Variants in MED25 observed in about 807,000 individuals in gnomAD.
MED25 encodes the protein mediator complex subunit 25.
MED25 carries 62 observed loss-of-function variants against 89.4 expected under a neutral mutation model. The observed-to-expected ratio is 0.69, with a 90% CI of 0.57 to 0.86. The LOEUF is 0.86. Ranked by LOEUF, MED25 falls within the 40% of genes least tolerant of loss-of-function variation. The pLI is 0.00. For synonymous variants in MED25, 449 were observed against 427.9 expected (o/e 1.05, Z -0.61); for missense variants, 905 against 1,005.2 (o/e 0.90, Z 1.35).
chr19:49,835,992 G>A lies in MED25; in HGVS notation c.1965+47G>A. 1 of 1,603,776 alleles carries A rather than the reference G, an allele frequency of 6.2e-7. No individual in the cohort carries two copies. Reference sequence around the variant, plus strand: ...GCGAGAGTTCCAGATCCTGGCCCTGGTGGTTCTGGTCCTGTTGTCTGGGAG... The same window carrying A: ...GCGAGAGTTCCAGATCCTGGCCCTGATGGTTCTGGTCCTGTTGTCTGGGAG... On this transcript the variant is annotated intron_variant, in intron 16 of 17. Coordinates refer to ENST00000312865, the MANE Select transcript of MED25 (RefSeq NM_030973.4). This position sits in a 1 kb window ranked among gnomAD's most constrained non-coding sequence, Gnocchi z 6.2.
chr19:49,831,638 C>G lies in MED25; in HGVS notation c.1230+177C>G, dbSNP rs4801809. 1.3e-5 allele frequency among the ~76,000 whole-genome samples: 2 copies of G among 152,044 alleles called. No homozygotes were observed. Among genetic ancestry groups the G allele is most frequent in the Non-Finnish European group, 2.9e-5 (2 of 67,978 alleles). On this transcript the variant is annotated intron_variant, in intron 10 of 17. Coordinates refer to ENST00000312865, the MANE Select transcript of MED25 (RefSeq NM_030973.4). This position sits in a 1 kb window ranked among gnomAD's most constrained non-coding sequence, Gnocchi z 5.0. ...GAGCCCCATGGAGTGGTGGGACTTG[C>G]GGTACAGAGGAGAGTCCCCATGCAA...
Position 49,831,542 on chromosome 19 carries a change from G to A in MED25, c.1230+81G>A, listed in dbSNP as rs2074057694. ...GCATGTAGGACTCATGGGGCCAGATGCGTGGGGTCTGCAGTGCTGGGTTTG... is the reference window on the plus strand; with the variant it reads ...GCATGTAGGACTCATGGGGCCAGATACGTGGGGTCTGCAGTGCTGGGTTTG... On this transcript the variant is annotated intron_variant, in intron 10 of 17. Transcript: ENST00000312865. The surrounding 1 kb of genome is among the most constrained non-coding windows in gnomAD (Gnocchi z 5.0). 9 of 1,522,074 alleles carry A rather than the reference G, an allele frequency of 5.9e-6. No homozygotes were observed. The highest frequency in any genetic ancestry group is 1.4e-5 in the African/African-American group (1 of 73,130). The allele number at this position is 1,522,074 out of a possible 1,614,324, so 94.3% of individuals were successfully genotyped here. A position where few individuals can be genotyped will look rare whatever the true frequency, so the allele number is the denominator to read the frequency against.
In MED25 at chr19:49,831,372, C is replaced by G. The variant is rs751399299; in HGVS notation, c.1141C>G (p.Pro381Ala). 2 of 1,611,344 alleles carry G rather than the reference C, an allele frequency of 1.2e-6. No homozygotes were observed. The highest frequency in any genetic ancestry group is 1.7e-5 in the Admixed American group (1 of 59,726). ...VAPGGVSGPS[P>A]AQLGAPALGG... is the part of the protein sequence containing the mutation. ...CCCAGGAGGGGTGAGCGGCCCTTCC[C>G]CAGCCCAGCTGGGAGCCCCAGCCCT... Residue 381 changes from proline (P) to alanine (A), a missense_variant, in exon 10 of 18, where the codon CCA becomes GCA. Around this residue, in one of 3 missense-constraint regions of MED25, gnomAD observed 501 missense variants for 526.9 expected, o/e 0.95. Transcript: ENST00000312865. The surrounding 1 kb of genome is among the most constrained non-coding windows in gnomAD (Gnocchi z 5.0).
chr19:49,835,142 G>T lies in MED25; in HGVS notation c.1639G>T (p.Val547Phe). ...IRQVITNHKQ[V>F]QQQKLEQQQR... ...GCAGGTCATCACCAACCACAAGCAGGTCCAGCAGCAGAAGCTGGAGCAGCA... is the reference window on the plus strand; with the variant it reads ...GCAGGTCATCACCAACCACAAGCAGTTCCAGCAGCAGAAGCTGGAGCAGCA... Residue 547 changes from valine (V) to phenylalanine (F), a missense_variant, in exon 14 of 18, where the codon GTC becomes TTC. Val to Phe is a conservative substitution (Grantham distance 50). Around this residue, in one of 3 missense-constraint regions of MED25, gnomAD observed 133 missense variants for 220.2 expected, o/e 0.60. Transcript: ENST00000312865. The surrounding 1 kb of genome is among the most constrained non-coding windows in gnomAD (Gnocchi z 6.2). 6.2e-7 allele frequency: 1 copy of T among 1,614,056 alleles called. No individual in the cohort carries two copies. Among genetic ancestry groups the T allele is most frequent in the Non-Finnish European group, 8.5e-7 (1 of 1,180,012 alleles).
At chr19:49,837,701 G>C (rs1173434488), downstream of MED25, among the ~76,000 whole-genome samples, 1 of 152,180 alleles carries the variant, frequency 6.6e-6, no homozygotes, top group Non-Finnish European at 1.5e-5. Context: ...CTGGGAGAAG[G>C]AGCTGGTAGT....
chr19:49,819,398 A>T, intron 3 of MED25, 102 bp downstream of exon 3: 1 of 1,381,024 alleles, frequency 7.2e-7, no homozygotes, highest in Admixed American at 1.9e-5. Flanking sequence ...GCTGTGAATA[A>T]GTGATGGCTT....
Position 49,829,805 on chromosome 19 carries a change from T to C in MED25, c.545T>C (p.Ile182Thr), listed in dbSNP as rs775239238. Residue 182 changes from isoleucine to threonine, a missense_variant, in exon 6 of 18, where the codon ATT (isoleucine) becomes ACT (threonine). Around this residue, in one of 3 missense-constraint regions of MED25, gnomAD observed 501 missense variants for 526.9 expected, o/e 0.95. Transcript: ENST00000312865. The surrounding 1 kb of genome is among the most constrained non-coding windows in gnomAD (Gnocchi z 4.6). Reference sequence around the variant, plus strand: ...CTACAGCGGGGGATCCACTTCTCCATTGTGTCTCCCCGGAAGCTGCCTGCG... The same window carrying C: ...CTACAGCGGGGGATCCACTTCTCCACTGTGTCTCCCCGGAAGCTGCCTGCG... Reference protein sequence around the residue: ...QIGERGIHFSIVSPRKLPALR... With the variant: ...QIGERGIHFSTVSPRKLPALR... 2 of 1,600,332 alleles carry C rather than the reference T, an allele frequency of 1.2e-6. No individual in the cohort carries two copies. Among genetic ancestry groups the C allele is most frequent in the Non-Finnish European group, 1.7e-6 (2 of 1,173,638 alleles).
intron 13 of MED25, among the ~76,000 whole-genome samples, 154 bp downstream of exon 13, chr19:49,832,569 G>C (rs372396065): frequency 2.6e-5 from 4 of 152,182 alleles, no homozygotes; most frequent in African/African-American, 9.7e-5. Flanking sequence ...TTCTTCTAGA[G>C]CCGTGACTTT....
chr19:49,835,541 G>A lies in MED25; in HGVS notation c.1682G>A (p.Gly561Glu). Residue 561 changes from glycine to glutamate, a missense_variant, in exon 15 of 18, where the codon GGA (glycine) becomes GAA (glutamate). By Grantham distance (98) the Gly-to-Glu change is moderately conservative. This residue lies in a region of MED25 where 271 missense variants were observed against 258.1 expected (regional missense o/e 1.05). Transcript: ENST00000312865. This position sits in a 1 kb window ranked among gnomAD's most constrained non-coding sequence, Gnocchi z 6.2. ...KLEQQQRGMG[G>E]QQAPPGLGPI... is the part of the protein sequence containing the mutation. ...CCCTCTCTCCCCGTGCAGATGGGGG[G>A]ACAGCAGGCACCCCCAGGGCTGGGG... is the stretch of plus-strand genomic sequence containing the variant. The A allele has an allele frequency of 6.4e-7, 1 of 1,560,292 alleles. No homozygotes were observed. Among genetic ancestry groups the A allele is most frequent in the Non-Finnish European group, 8.7e-7 (1 of 1,152,844 alleles).
chr19:49,839,431 A>AC (rs2122123823), downstream of MED25: 1 of 153,090 alleles, frequency 6.5e-6, no homozygotes, highest in South Asian at 2.1e-4. Flanking sequence ...TGCTCTCGAC[A>AC]CTTCCGCTCC....
intron 3 of MED25, among the ~76,000 whole-genome samples, chr19:49,822,868 C>T (rs1019766170): frequency 4.6e-5 from 7 of 151,904 alleles, no homozygotes; most frequent in Non-Finnish European, 7.4e-5. Context: ...GGGATGGTCT[C>T]GGTCTCCTGA....
chr19:49,839,354 A>G (rs748161603), downstream of MED25: 3 of 161,420 alleles, frequency 1.9e-5, no homozygotes, highest in African/African-American at 2.4e-5. Context: ...AGGACACGGA[A>G]GTTGGGTCGT....
At chr19:49,828,398 TG>T in intron 3 of MED25, 50 bp from the exon 4 acceptor site, 1 of 1,234,084 alleles carries the variant, frequency 8.1e-7, no homozygotes, top group Non-Finnish European at 1.2e-6. Context: ...AAGCATAGCC[TG>T]GGGATGGGGA....
At chr19:49,840,171 A>T (rs1367036407), downstream of MED25, 1 of 152,064 alleles carries the variant, frequency 6.6e-6, no homozygotes, top group Non-Finnish European at 1.5e-5. Flanking sequence ...TGACACTGAC[A>T]TCTCGGTGTG....
chr19:49,825,224 C>G (rs530509445), intron 3 of MED25, among the ~76,000 whole-genome samples: 1 of 152,006 alleles, frequency 6.6e-6, no homozygotes, highest in Admixed American at 6.5e-5. Flanking sequence ...GTTAGTTTAT[C>G]ACACTTTTCC....
chr19:49,836,931 T>A lies in MED25; in HGVS notation c.2231T>A (p.Met744Lys). 1 of 1,612,978 alleles carries A rather than the reference T, an allele frequency of 6.2e-7. No homozygotes were observed. Among genetic ancestry groups the A allele is most frequent in the Non-Finnish European group, 8.5e-7 (1 of 1,179,698 alleles). The change falls in exon 18 of 18, where the codon ATG (methionine) becomes AAG (lysine). Residue 744 changes from methionine (M) to lysine (K), a missense_variant. Physicochemically the swap from Met to Lys is moderately conservative, Grantham distance 95 (BLOSUM62 -1). Transcript: ENST00000312865. The surrounding 1 kb of genome is among the most constrained non-coding windows in gnomAD (Gnocchi z 5.1). ...QPSVMEDDIL[M>K]DLI is the part of the protein sequence containing the mutation. ...AGCGTCATGGAGGACGACATCCTCA[T>A]GGATCTCATCTGAATCCCCAACACC...
chr19:49,818,321 G>A lies in MED25; in HGVS notation c.-21G>A. On this transcript the variant is annotated 5_prime_UTR_variant, in exon 1 of 18. In the 5' UTR this introduces an upstream ATG that the reference lacks. Coordinates refer to ENST00000312865, the MANE Select transcript of MED25 (RefSeq NM_030973.4). ...GGCGTCGGCTGCGGCTGCAGTGGTG[G>A]TGGCGGGTACCGCACGGGGTATGGT... 6.4e-7 allele frequency: 1 copy of A among 1,566,198 alleles called. No individual in the cohort carries two copies. Among genetic ancestry groups the A allele is most frequent in the Non-Finnish European group, 8.7e-7 (1 of 1,154,102 alleles).
At position 49,831,105 on chromosome 19, in the gene MED25, A is replaced by C. The variant is rs2074053532; in HGVS notation, c.1101+218A>C. Among the ~76,000 whole-genome samples, 1 of 151,916 alleles carries C rather than the reference A, an allele frequency of 6.6e-6. No individual in the cohort carries two copies. The highest frequency in any genetic ancestry group is 1.9e-4 in the East Asian group (1 of 5,164). On this transcript the variant is annotated intron_variant, in intron 9 of 17. Coordinates refer to ENST00000312865, the MANE Select transcript of MED25 (RefSeq NM_030973.4). The surrounding 1 kb of genome is among the most constrained non-coding windows in gnomAD (Gnocchi z 5.0). ...AGGAGGGTCAGGGCTGTTCCGAGAA[A>C]CCCAAGGAATCCCTGGGTCTGGGAG...
In MED25 at chr19:49,835,743, C is replaced by CG. The variant is rs1282107870; in HGVS notation, c.1764dup (p.Gln589AlafsTer?). On this transcript the variant is annotated frameshift_variant, in exon 16 of 18. Transcript: ENST00000312865. LOFTEE classifies it high-confidence loss of function. The surrounding 1 kb of genome is among the most constrained non-coding windows in gnomAD (Gnocchi z 6.2). ...TCCCACCAGCTCCAGCTCCGCCCAC[C>CG]GCAGCCCCAGCCTCAGGGTACCGTA... 1 of 1,610,306 alleles carries CG rather than the reference C, an allele frequency of 6.2e-7. No individual in the cohort carries two copies. Among genetic ancestry groups the CG allele is most frequent in the Non-Finnish European group, 8.5e-7 (1 of 1,178,856 alleles).
Sources: gnomAD v4.1 joint callset for allele counts (sites outside exome capture counted in the v4.1 genomes callset) on GRCh38, gnomAD v4.1.1 for gene constraint, gnomAD v4.1.1 regional missense constraint, Gnocchi (gnomAD v3.1) non-coding constraint, MANE v1.5 for transcripts, NCBI Gene and HGNC (gene_info 2026-07-23, HGNC 2026-07-21) for gene names.